CDH23: variants seen among roughly 807,000 people sequenced by gnomAD.
CDH23 encodes the protein cadherin-23.
CDH23 carries 189 observed loss-of-function variants against 317.1 expected under a neutral mutation model. The observed-to-expected ratio is 0.60, with a 90% CI of 0.53 to 0.67. The LOEUF (loss-of-function observed/expected upper bound fraction) is 0.67, where lower values mean the gene tolerates loss of function less well. Ranked by LOEUF, CDH23 falls within the 30% of genes least tolerant of loss-of-function variation. CDH23 has a pLI of 0.00. For synonymous variants in CDH23, 1,839 were observed against 1,876.8 expected, an observed-to-expected ratio of 0.98 and a Z score of 0.52; for missense variants, 4,401 against 4,592.4, an observed-to-expected ratio of 0.96 and a Z score of 1.20.
chr10:71,533,554 CACACACACACACACACT>C (rs1564637064), intron 6 of CDH23, among the ~76,000 whole-genome samples: 1 of 151,514 alleles, frequency 6.6e-6, no homozygotes, highest in Non-Finnish European at 1.5e-5. Context: ...CACACACACA[CACACACACACACACACT>C]GGCTGGGGCT....
chr10:71,756,975 G>C (rs768724275), intron 38 of CDH23, among the ~76,000 whole-genome samples: 1 of 152,242 alleles, frequency 6.6e-6, no homozygotes. Context: ...TACAGGAACA[G>C]TTGCTATGCT....
chr10:71,755,354 C>T, intron 38 of CDH23: 1 of 1,604,056 alleles, frequency 6.2e-7, no homozygotes, highest in Non-Finnish European at 8.5e-7. Context: ...GGGAGGAATA[C>T]TCACGGCGGT....
chr10:71,543,072 ACTT>A (rs1354755599), intron 6 of CDH23, among the ~76,000 whole-genome samples: 1 of 152,194 alleles, frequency 6.6e-6, no homozygotes, highest in African/African-American at 2.4e-5. Context: ...CAAGTCCAGA[ACTT>A]CTCAGAACAG....
intron 60 of CDH23, among the ~76,000 whole-genome samples, chr10:71,809,491 T>G (rs1413160627): frequency 6.6e-6 from 1 of 152,122 alleles, no homozygotes; most frequent in Non-Finnish European, 1.5e-5. Flanking sequence ...TTTGTGGAAT[T>G]CTGAGGTACA....
intron 6 of CDH23, among the ~76,000 whole-genome samples, chr10:71,529,169 A>G (rs1347252577): frequency 6.6e-6 from 1 of 151,680 alleles, no homozygotes; most frequent in Non-Finnish European, 1.5e-5. Flanking sequence ...GGGGCCTGAG[A>G]CTCTGTTTCC....
At chr10:71,549,260 A>G (rs1406678787) in intron 6 of CDH23, among the ~76,000 whole-genome samples, 2 of 152,266 alleles carry the variant, frequency 1.3e-5, no homozygotes, top group African/African-American at 4.8e-5. Flanking sequence ...GGCTGGAAAG[A>G]ACTGGATTTG....
chr10:71,529,762 G>A (rs932205104), intron 6 of CDH23, among the ~76,000 whole-genome samples: 6 of 151,924 alleles, frequency 3.9e-5, no homozygotes, highest in Non-Finnish European at 5.9e-5. Flanking sequence ...GGTGGCTCCC[G>A]GCCACCTGAG....
At chr10:71,581,392 G>A (rs990950050) in intron 9 of CDH23, among the ~76,000 whole-genome samples, 1 of 152,202 alleles carries the variant, frequency 6.6e-6, no homozygotes, top group Non-Finnish European at 1.5e-5. Flanking sequence ...GTCTGCAGTG[G>A]GTGAGGTCTG....
intron 6 of CDH23, among the ~76,000 whole-genome samples, chr10:71,512,693 G>C (rs1437653799): frequency 6.6e-6 from 1 of 152,206 alleles, no homozygotes; most frequent in African/African-American, 2.4e-5. Context: ...TGGGCTGGGG[G>C]CCAGCCTTTT....
intron 2 of CDH23, among the ~76,000 whole-genome samples, chr10:71,441,726 A>G (rs112301105): frequency 0.077 from 7,272 of 93,874 alleles, 513 homozygotes; most frequent in African/African-American, 0.18. Flanking sequence ...TGTCTCAAAA[A>G]AAGAAAAAAG....
chr10:71,806,358 A>C, intron 57 of CDH23, 77 bp downstream of exon 57: 2 of 968,220 alleles, frequency 2.1e-6, no homozygotes, highest in Non-Finnish European at 3.2e-6. Context: ...TCTCCTATAT[A>C]CACTGTGCCA....
At chr10:71,603,714 A>C (rs530021234) in intron 9 of CDH23, among the ~76,000 whole-genome samples, 115 of 152,272 alleles carry the variant, frequency 7.6e-4, no homozygotes, top group African/African-American at 2.6e-3. Context: ...CACACAGGAG[A>C]GGCAAGGCCC....
rs1865611297 is a variant in CDH23 at position 71,702,139 on chromosome 10, A to G, written c.2515A>G (p.Met839Val). Residue 839 changes from methionine to valine, a missense_variant, in exon 23 of 70, where the codon ATG becomes GTG. By Grantham distance (21) the Met-to-Val change is conservative. Transcript: ENST00000224721. ...GGGCAAGATCCGCACCACCCACGCC[A>G]TGCTGGACCGGGAGAACCCCGACCC... ...TTGKIRTTHA[M>V]LDRENPDPHE... 3.1e-6 allele frequency: 5 copies of G among 1,613,976 alleles called. No individual in the cohort carries two copies. Among genetic ancestry groups the G allele is most frequent in the Non-Finnish European group, 4.2e-6 (5 of 1,179,882 alleles).
intron 3 of CDH23, among the ~76,000 whole-genome samples, chr10:71,456,168 G>C (rs970038268): frequency 1.3e-5 from 2 of 150,976 alleles, no homozygotes; most frequent in Non-Finnish European, 3.0e-5. Flanking sequence ...TCCTGGGGCT[G>C]TTGGCAAGTG....
At chr10:71,488,615 A>G (rs1485270306) in intron 3 of CDH23, among the ~76,000 whole-genome samples, 1 of 152,222 alleles carries the variant, frequency 6.6e-6, no homozygotes, top group Non-Finnish European at 1.5e-5. Flanking sequence ...TAAACATTGA[A>G]ATGTTTCTTG....
chr10:71,461,259 G>A (rs1225318932), intron 3 of CDH23, among the ~76,000 whole-genome samples: 1 of 152,140 alleles, frequency 6.6e-6, no homozygotes, highest in East Asian at 1.9e-4. Flanking sequence ...GGGATGGCCT[G>A]TAGTGTGCAC....
intron 17 of CDH23, among the ~76,000 whole-genome samples, chr10:71,681,181 A>T (rs1864631796): frequency 6.6e-6 from 1 of 151,434 alleles, no homozygotes; most frequent in African/African-American, 2.4e-5. Flanking sequence ...CCCATACCTC[A>T]CCCTCCTCTC....
intron 27 of CDH23, among the ~76,000 whole-genome samples, chr10:71,711,104 G>C (rs1373375828): frequency 6.6e-6 from 1 of 151,972 alleles, no homozygotes; most frequent in African/African-American, 2.4e-5. Flanking sequence ...AGATGCCTCT[G>C]CCCTCTGCCC....
chr10:71,720,218 C>T (rs1036383106), intron 28 of CDH23, among the ~76,000 whole-genome samples: 10 of 152,200 alleles, frequency 6.6e-5, no homozygotes, highest in African/African-American at 2.4e-4. Context: ...CCCTGGGCCC[C>T]ATTCCTTCCA....
Sources: allele counts gnomAD v4.1 joint callset (sites outside exome capture counted in the v4.1 genomes callset), GRCh38; gene constraint gnomAD v4.1.1; transcripts MANE v1.5; gene names NCBI Gene and HGNC (gene_info 2026-07-23, HGNC 2026-07-21).